Variants in TJAP1 observed in about 807,000 individuals in gnomAD.
The protein encoded by TJAP1 is tight junction-associated protein 1.
Under a neutral mutation model 42.0 loss-of-function variants are expected in TJAP1, and 27 were observed. The observed-to-expected ratio is 0.64, with a 90% CI of 0.47 to 0.89. The LOEUF (loss-of-function observed/expected upper bound fraction) is 0.89. Ranked by LOEUF, TJAP1 falls within the 40% of genes least tolerant of loss-of-function variation. The pLI, the probability that TJAP1 is intolerant of heterozygous loss-of-function variation, is 0.00. For missense variants in TJAP1, 712 were observed against 726.9 expected (o/e 0.98, Z 0.24); for synonymous variants, 257 against 288.4 (o/e 0.89, Z 1.10).
Position 43,492,977 on chromosome 6 carries a change from A to G in TJAP1, c.-121-4904A>G, listed in dbSNP as rs920672652. Among the ~76,000 whole-genome samples, 1 of 152,050 alleles carries G rather than the reference A, an allele frequency of 6.6e-6. No individual in the cohort carries two copies. The highest frequency in any genetic ancestry group is 6.5e-5 in the Admixed American group (1 of 15,272). The stretch of plus-strand genomic sequence containing the variant: ...GGCCCCAGTCCCTGTGTGATCAGAC[A>G]TTTGTGTTTTAGTGGTTGATGAGGG... On this transcript the variant is annotated intron_variant, in intron 2 of 10. Coordinates refer to ENST00000372449, the Ensembl canonical transcript of TJAP1. This position sits in a 1 kb window ranked among gnomAD's most constrained non-coding sequence, Gnocchi z 4.2.
Position 43,492,738 on chromosome 6 carries a change from C to T in TJAP1, c.-121-5143C>T, listed in dbSNP as rs1042586230. 3.3e-5 allele frequency among the ~76,000 whole-genome samples: 5 copies of T among 152,184 alleles called. No individual in the cohort carries two copies. In the South Asian group the frequency reaches 6.2e-4, roughly 19 times the overall value. On this transcript the variant is annotated intron_variant, in intron 2 of 10. Coordinates refer to ENST00000372449, the Ensembl canonical transcript of TJAP1. This position sits in a 1 kb window ranked among gnomAD's most constrained non-coding sequence, Gnocchi z 4.2. ...GCAATCCCCAGGACCAAGGCCAGGT[C>T]ACCTGGTTCCAGGGCTTACGCTTGC... is the stretch of plus-strand genomic sequence containing the variant.
At chr6:43,497,615 T>C (rs149506212) in intron 2 of TJAP1, 13 of 152,360 alleles carry the variant, frequency 8.5e-5, no homozygotes, top group African/African-American at 2.4e-4. Flanking sequence ...TATTCCAGAA[T>C]TGGGCAATGT....
At chr6:43,504,896 C>T in exon 11 of TJAP1, 2 of 1,614,188 alleles carry the variant, frequency 1.2e-6, no homozygotes, top group Non-Finnish European at 1.7e-6. Context: ...GTTAGAGAAG[C>T]CGGAGTCTCT....
At chr6:43,487,285 G>C (rs1219387975) in intron 2 of TJAP1, among the ~76,000 whole-genome samples, 1 of 152,118 alleles carries the variant, frequency 6.6e-6, no homozygotes, top group Non-Finnish European at 1.5e-5. Context: ...CAAAACCCTG[G>C]ACTTCTACTC....
At chr6:43,481,878 A>C (rs1359904330) in intron 2 of TJAP1, among the ~76,000 whole-genome samples, 1 of 152,188 alleles carries the variant, frequency 6.6e-6, no homozygotes, top group Non-Finnish European at 1.5e-5. Context: ...TTTCTTCAAC[A>C]AATGACTCTC....
At chr6:43,504,002 AAG>A (rs1791621811) in intron 10 of TJAP1, 1 of 614,326 alleles carries the variant, frequency 1.6e-6, no homozygotes, top group African/African-American at 1.8e-5. Context: ...AAAGAGTACT[AAG>A]AGAGGATTAG....
At chr6:43,498,979 C>A in exon 4 of TJAP1, 1 of 1,612,120 alleles carries the variant, frequency 6.2e-7, no homozygotes, top group Non-Finnish European at 8.5e-7. Context: ...TCTCAGCAGG[C>A]GGAGGAGCCG....
chr6:43,494,648 C>CTTTTTT (rs775378416), intron 2 of TJAP1, among the ~76,000 whole-genome samples: 2 of 114,396 alleles, frequency 1.7e-5, no homozygotes, highest in African/African-American at 4.3e-5. Flanking sequence ...TGTTGATTTC[C>CTTTTTT]TTTTTTTTTT....
chr6:43,499,069 T>G, exon 4 of TJAP1: 1 of 1,614,054 alleles, frequency 6.2e-7, no homozygotes, highest in Non-Finnish European at 8.5e-7. Context: ...GAGCTGCGTT[T>G]GGAAATTCCT....
chr6:43,500,967 G>T, intron 5 of TJAP1, 195 bp downstream of exon 5: 1 of 639,628 alleles, frequency 1.6e-6, no homozygotes, highest in Non-Finnish European at 2.7e-6. Flanking sequence ...ATTGTTCCAT[G>T]GGCTTCAAGA....
intron 10 of TJAP1, chr6:43,504,479 G>T: frequency 2.0e-6 from 1 of 489,864 alleles, no homozygotes; most frequent in Non-Finnish European, 3.7e-6. Flanking sequence ...GTATGGTTTG[G>T]GCAGAAGCTG....
In TJAP1 at chr6:43,495,281, G is replaced by GCCTCCA. The variant is rs1788857372; in HGVS notation, c.-121-2600_-121-2599insCCTCCA. Among the ~76,000 whole-genome samples, 1 of 152,220 alleles carries GCCTCCA rather than the reference G, an allele frequency of 6.6e-6. No individual in the cohort carries two copies. Among genetic ancestry groups the GCCTCCA allele is most frequent in the African/African-American group, 2.4e-5 (1 of 41,468 alleles). ...TGCACCATGCATCACTGTCCTCCTT[G>GCCTCCA]GGTCTGTCCGGACTTTCCCTGCACA... On this transcript the variant is annotated intron_variant, in intron 2 of 10. Transcript: ENST00000372449. This position sits in a 1 kb window ranked among gnomAD's most constrained non-coding sequence, Gnocchi z 4.6.
chr6:43,492,955 C>T lies in TJAP1; in HGVS notation c.-121-4926C>T, dbSNP rs1312445117. On this transcript the variant is annotated intron_variant, in intron 2 of 10. Coordinates refer to ENST00000372449, the Ensembl canonical transcript of TJAP1. This position sits in a 1 kb window ranked among gnomAD's most constrained non-coding sequence, Gnocchi z 4.2. Reference sequence around the variant, plus strand: ...TCAGGACAGTTCCTGAGGGGGAGGCCCCAGTCCCTGTGTGATCAGACATTT... The same window carrying T: ...TCAGGACAGTTCCTGAGGGGGAGGCTCCAGTCCCTGTGTGATCAGACATTT... 6.6e-6 allele frequency among the ~76,000 whole-genome samples: 1 copy of T among 152,098 alleles called. No homozygotes were observed. Among genetic ancestry groups the T allele is most frequent in the Non-Finnish European group, 1.5e-5 (1 of 68,028 alleles).
intron 6 of TJAP1, among the ~76,000 whole-genome samples, chr6:43,501,950 CT>C: frequency 1.3e-5 from 2 of 148,800 alleles, no homozygotes; most frequent in Non-Finnish European, 3.0e-5. Flanking sequence ...CTCTCTCTCT[CT>C]CTCTCCTTTC....
At position 43,492,022 on chromosome 6, in the gene TJAP1, A is replaced by G. The variant is rs17209414; in HGVS notation, c.-121-5859A>G. Reference sequence around the variant, plus strand: ...GAGAGGGCATGGGGTCTAATGTCAAATGCAGGCTATGACCTTGGGGATTTC... The same window carrying G: ...GAGAGGGCATGGGGTCTAATGTCAAGTGCAGGCTATGACCTTGGGGATTTC... On this transcript the variant is annotated intron_variant, in intron 2 of 10. Transcript: ENST00000372449. The surrounding 1 kb of genome is among the most constrained non-coding windows in gnomAD (Gnocchi z 4.2). Among the ~76,000 whole-genome samples the G allele has an allele frequency of 0.018, 2,801 of 152,306 alleles. 35 individuals carry two copies. The highest frequency in any genetic ancestry group is 0.039 in the South Asian group (189 of 4,828).
chr6:43,500,582 G>C (rs1035440634), intron 4 of TJAP1, 162 bp from the exon 5 acceptor site: 2 of 694,062 alleles, frequency 2.9e-6, no homozygotes, highest in Non-Finnish European at 5.1e-6. Flanking sequence ...GCTTGTCCCA[G>C]CATTACTGAA....
rs772496908 is a variant in TJAP1, at chr6:43,499,046, A to G, written c.45A>G (p.Pro15=). ...CTAAGAAACCCTACCGTAAGGCACC[A>G]CCAGAGCATCGGGAGCTGCGTTTGG... Residue 15 remains proline (P), a synonymous_variant, in exon 4 of 11, where the codon CCA becomes CCG. Coordinates refer to ENST00000372449, the Ensembl canonical transcript of TJAP1. 7 of 1,613,962 alleles carry G rather than the reference A, an allele frequency of 4.3e-6. No homozygotes were observed. In the African/African-American group the frequency reaches 6.7e-5, roughly 15 times the overall value.
chr6:43,500,162 G>C (rs1217614234), intron 4 of TJAP1, among the ~76,000 whole-genome samples: 1 of 152,206 alleles, frequency 6.6e-6, no homozygotes, highest in African/African-American at 2.4e-5. Flanking sequence ...CTTGACTCTT[G>C]AGCCATGACT....
chr6:43,505,757 A>C lies in TJAP1; in HGVS notation c.1576A>C (p.Ser526Arg), dbSNP rs1362465305. 3.3e-6 allele frequency: 5 copies of C among 1,521,882 alleles called. No individual in the cohort carries two copies. The highest frequency in any genetic ancestry group is 4.5e-5 in the East Asian group (2 of 44,080). 94.3% of individuals were successfully genotyped at this position (1,521,882 alleles called of 1,614,324 possible). The change falls in exon 11 of 11, where the codon AGT (serine) becomes CGT (arginine). Residue 526 changes from serine (S) to arginine (R), a missense_variant. Around this residue, in one of 3 missense-constraint regions of TJAP1, gnomAD observed 549 missense variants for 528.2 expected, o/e 1.04. Transcript: ENST00000372449. The surrounding 1 kb of genome is among the most constrained non-coding windows in gnomAD (Gnocchi z 5.5). ...CAGGGCCTGGCCACTCCCCAGCTCC[A>C]GTCGCCCCCAGCGCAGCCCCAAGAG...
Sources: allele counts gnomAD v4.1 joint callset (sites outside exome capture counted in the v4.1 genomes callset), GRCh38; gene constraint gnomAD v4.1.1; regional missense constraint gnomAD v4.1.1; non-coding constraint Gnocchi (gnomAD v3.1); transcripts MANE v1.5; gene names NCBI Gene and HGNC (gene_info 2026-07-23, HGNC 2026-07-21).